The following MITF variants were observed in gnomAD, a reference collection of about 807,000 sequenced individuals.
The protein encoded by MITF is microphthalmia-associated transcription factor.
A neutral mutation model predicts 60.5 loss-of-function variants in MITF; 17 were observed. The ratio of observed to expected loss-of-function variants is 0.28; its 90% CI spans 0.19 to 0.42. The LOEUF (loss-of-function observed/expected upper bound fraction) is 0.42. MITF is among the 10% of genes least tolerant of loss of function. The pLI, the probability that MITF is intolerant of heterozygous loss-of-function variation, is 1.00. For missense variants in MITF, 622 were observed against 683.5 expected, an observed-to-expected ratio of 0.91 and a Z score of 1.00; for synonymous variants, 260 against 248.5, an observed-to-expected ratio of 1.05 and a Z score of -0.43.
chr3:69,786,058 G>A (rs748986391), intron 1 of MITF, among the ~76,000 whole-genome samples: 32 of 152,168 alleles, frequency 2.1e-4, no homozygotes, highest in Non-Finnish European at 4.3e-4. Context: ...AACAAAAAAA[G>A]CAGTGCAGCA....
chr3:69,820,735 T>C (rs147696255), intron 1 of MITF, among the ~76,000 whole-genome samples: 3 of 152,302 alleles, frequency 2.0e-5, no homozygotes, highest in Non-Finnish European at 4.4e-5. Context: ...TCAATCATTA[T>C]AGAAGTTTTG....
At chr3:69,854,156 C>G (rs2107187681) in intron 1 of MITF, among the ~76,000 whole-genome samples, 1 of 152,152 alleles carries the variant, frequency 6.6e-6, no homozygotes, top group East Asian at 1.9e-4. Context: ...CTGATCACTT[C>G]CCTCTTAATC....
intron 1 of MITF, among the ~76,000 whole-genome samples, chr3:69,875,406 T>G (rs1314439338): frequency 6.6e-6 from 1 of 152,206 alleles, no homozygotes; most frequent in Non-Finnish European, 1.5e-5. Flanking sequence ...AAGAATTATG[T>G]GACTGTGGCT....
intron 2 of MITF, among the ~76,000 whole-genome samples, chr3:69,895,972 A>C: frequency 6.8e-6 from 1 of 147,882 alleles, no homozygotes; most frequent in African/African-American, 2.5e-5. Context: ...TCCCCTATTT[A>C]CCTCCCTCCC....
chr3:69,828,614 AATAG>A (rs1180072736), intron 1 of MITF, among the ~76,000 whole-genome samples: 1 of 151,894 alleles, frequency 6.6e-6, no homozygotes, highest in Admixed American at 6.6e-5. Context: ...ATATTATATA[AATAG>A]ATAAATATAA....
At chr3:69,903,384 A>G (rs2065032841) in intron 2 of MITF, among the ~76,000 whole-genome samples, 2 of 152,134 alleles carry the variant, frequency 1.3e-5, no homozygotes, top group African/African-American at 2.4e-5. Context: ...CAGTTGGCCT[A>G]TTGGTTGTCC....
Position 69,866,190 on chromosome 3 carries a change from G to A in MITF, c.105-12944G>A. ...GCTGTGTTTGGATTGGAGTTTCCAG[G>A]GCCTTATCAGGAGCCACCCCTAGTG... On this transcript the variant is annotated intron_variant, in intron 1 of 9. Transcript: ENST00000352241. The A allele has an allele frequency of 3.2e-6, 5 of 1,570,450 alleles. No individual in the cohort carries two copies. In the South Asian group the frequency reaches 6.1e-5, roughly 19 times the overall value.
intron 3 of MITF, 81 bp downstream of exon 3, chr3:69,938,130 G>T: frequency 6.9e-7 from 1 of 1,453,320 alleles, no homozygotes. Flanking sequence ...ACTTAACTGT[G>T]GACTCTAGTT....
intron 2 of MITF, chr3:69,936,460 A>T: frequency 3.4e-6 from 2 of 581,272 alleles, no homozygotes; most frequent in Non-Finnish European, 5.3e-6. Context: ...CCAGGGGGAA[A>T]AATTGATATC....
chr3:69,757,620 C>T (rs1168612267), intron 1 of MITF, among the ~76,000 whole-genome samples: 1 of 151,906 alleles, frequency 6.6e-6, no homozygotes, highest in Non-Finnish European at 1.5e-5. Flanking sequence ...TTAGGACACC[C>T]TGAACTTGGG....
rs557665154 is a variant in MITF at position 69,865,092 on chromosome 3, G to T, written c.105-14042G>T. Among the ~76,000 whole-genome samples, 3 of 152,178 alleles carry T rather than the reference G, an allele frequency of 2.0e-5. No homozygotes were observed. The South Asian group carries it at 6.2e-4, about 32-fold the overall frequency. On this transcript the variant is annotated intron_variant, in intron 1 of 9. Transcript: ENST00000352241. ...ATAAATATTTATTGAACAAAAGAAA[G>T]AAAGAATGAATAAAATGAGCAGAGA... is the stretch of plus-strand genomic sequence containing the variant.
At chr3:69,869,285 G>A (rs570686101) in intron 1 of MITF, among the ~76,000 whole-genome samples, 1 of 152,296 alleles carries the variant, frequency 6.6e-6, no homozygotes, top group Admixed American at 6.5e-5. Flanking sequence ...AGGTCATGAA[G>A]GACCAAGCAC....
intron 1 of MITF, among the ~76,000 whole-genome samples, chr3:69,753,895 G>C (rs1168470099): frequency 6.6e-6 from 1 of 152,150 alleles, no homozygotes; most frequent in African/African-American, 2.4e-5. Context: ...TCTCAGATGA[G>C]ACTTTGGACT....
Position 69,966,420 on chromosome 3 carries a change from TTAAAACCAGGC to T in MITF, c.*1174_*1184del. 4.3e-6 allele frequency: 1 copy of T among 232,848 alleles called. No homozygotes were observed. Among genetic ancestry groups the T allele is most frequent in the Non-Finnish European group, 8.5e-6 (1 of 117,564 alleles). The allele number at this position is 232,848 out of a possible 1,614,324, so 14.4% of individuals were successfully genotyped here. A position where few individuals can be genotyped will look rare whatever the true frequency, so the allele number is the denominator to read the frequency against. ...ACATTTAAGGTGTAGTATTAATAGG[TTAAAACCAGGC>T]TTTCTAGAAAGAATAAACTTACATA... On this transcript the variant is annotated 3_prime_UTR_variant, in exon 10 of 10. Transcript: ENST00000352241.
intron 1 of MITF, chr3:69,866,310 A>T: frequency 6.2e-7 from 1 of 1,613,916 alleles, no homozygotes; most frequent in East Asian, 2.2e-5. Context: ...CTTAGAGTTC[A>T]GATGTTCATG....
intron 2 of MITF, among the ~76,000 whole-genome samples, chr3:69,916,970 G>T (rs1412792720): frequency 6.6e-6 from 1 of 152,126 alleles, no homozygotes; most frequent in Non-Finnish European, 1.5e-5. Context: ...TAAGATTCTG[G>T]TATTGTTGCT....
rs749872337 is a variant in MITF at position 69,965,212 on chromosome 3, C to T, written c.1545C>T (p.Ser515=). 5.6e-6 allele frequency: 9 copies of T among 1,613,754 alleles called. No homozygotes were observed. The highest frequency in any genetic ancestry group is 2.2e-5 in the South Asian group (2 of 91,084). Reference sequence around the variant, plus strand: ...CTTCCAAAACAAGCAGCCGGAGGAGCAGTATGAGCATGGAAGAGACGGAGC... The same window carrying T: ...CTTCCAAAACAAGCAGCCGGAGGAGTAGTATGAGCATGGAAGAGACGGAGC... The part of the protein sequence containing the change: ...PGASKTSSRR[S]SMSMEETEHT... Residue 515 remains serine, a synonymous_variant, in exon 10 of 10, where the codon AGC becomes AGT. Transcript: ENST00000352241.
At chr3:69,908,018 CT>C (rs759864252) in intron 2 of MITF, among the ~76,000 whole-genome samples, 52 of 152,244 alleles carry the variant, frequency 3.4e-4, no homozygotes, top group Non-Finnish European at 5.3e-4. Flanking sequence ...AAATATCCAG[CT>C]TTTTTTGTTG....
At chr3:69,812,610 G>A (rs567776815) in intron 1 of MITF, among the ~76,000 whole-genome samples, 1 of 152,208 alleles carries the variant, frequency 6.6e-6, no homozygotes, top group Admixed American at 6.5e-5. Context: ...TGCTGCCTCA[G>A]TTGTCTCAGT....
Sources: gnomAD v4.1 joint callset for allele counts (sites outside exome capture counted in the v4.1 genomes callset) on GRCh38, gnomAD v4.1.1 for gene constraint, MANE v1.5 for transcripts, NCBI Gene and HGNC (gene_info 2026-07-23, HGNC 2026-07-21) for gene names.